The following DIPK1B variants were observed in gnomAD, a reference collection of about 807,000 sequenced individuals.
DIPK1B encodes the protein family with sequence similarity 69 member B.
Under a neutral mutation model 20.7 loss-of-function variants are expected in DIPK1B, and 17 were observed. The ratio of observed to expected loss-of-function variants is 0.82; its 90% CI spans 0.56 to 1.23. The LOEUF (loss-of-function observed/expected upper bound fraction) is 1.23. Ranked by LOEUF, DIPK1B falls within the 50% of genes most tolerant of loss-of-function variation. DIPK1B has a pLI of 0.00. For missense variants in DIPK1B, 648 were observed against 601.8 expected (o/e 1.08, Z -0.80); for synonymous variants, 343 against 276.5 (o/e 1.24, Z -2.39).
Position 136,723,644 on chromosome 9 carries a change from T to G in DIPK1B, c.1166T>G (p.Leu389Arg). Residue 389 changes from leucine to arginine, a missense_variant, in exon 5 of 5, where the codon CTG becomes CGG. Leu to Arg is a moderately radical substitution (Grantham distance 102). Transcript: ENST00000371692. Reference sequence around the variant, plus strand: ...GCGCCCGCCGACCTCCGCGAGGAGCTGGGCACACAGCTGCGCACCTGTACC... The same window carrying G: ...GCGCCCGCCGACCTCCGCGAGGAGCGGGGCACACAGCTGCGCACCTGTACC... ...PGAPADLREE[L>R]GTQLRTCTTL... 2 of 1,568,242 alleles carry G rather than the reference T, an allele frequency of 1.3e-6. No individual in the cohort carries two copies. Among genetic ancestry groups the G allele is most frequent in the Non-Finnish European group, 1.7e-6 (2 of 1,159,166 alleles).
Position 136,717,626 on chromosome 9 carries a change from G to A in DIPK1B, c.113G>A (p.Gly38Asp). 2 of 1,605,344 alleles carry A rather than the reference G, an allele frequency of 1.2e-6. No homozygotes were observed. The highest frequency in any genetic ancestry group is 1.7e-6 in the Non-Finnish European group (2 of 1,179,932). ...RVRCIFLAWL[G>D]VFAGSWLVYV... is the part of the protein sequence containing the mutation. Reference sequence around the variant, plus strand: ...CGCTGCATCTTCCTGGCCTGGCTGGGCGTCTTTGCAGGCAGCTGGCTGGTG... The same window carrying A: ...CGCTGCATCTTCCTGGCCTGGCTGGACGTCTTTGCAGGCAGCTGGCTGGTG... Residue 38 changes from glycine to aspartate, a missense_variant, in exon 2 of 5, where the codon GGC becomes GAC. Gly to Asp is a moderately conservative substitution (Grantham distance 94). Coordinates refer to ENST00000371692, the MANE Select transcript of DIPK1B (RefSeq NM_152421.4).
chr9:136,713,509 AAG>A (rs1846454680), intron 1 of DIPK1B, among the ~76,000 whole-genome samples: 1 of 152,190 alleles, frequency 6.6e-6, no homozygotes, highest in Non-Finnish European at 1.5e-5. Flanking sequence ...CCCTTCTGGG[AAG>A]AGCGTATGGA....
intron 2 of DIPK1B, among the ~76,000 whole-genome samples, chr9:136,718,837 G>A (rs1003364213): frequency 6.6e-6 from 1 of 152,194 alleles, no homozygotes; most frequent in African/African-American, 2.4e-5. Flanking sequence ...GTCTGACGGG[G>A]GCCACATGTG....
chr9:136,719,944 G>T (rs1283492846), intron 2 of DIPK1B, among the ~76,000 whole-genome samples: 1 of 149,032 alleles, frequency 6.7e-6, no homozygotes, highest in Non-Finnish European at 1.5e-5. Context: ...GGCTCCGGGT[G>T]CAGGGGGCTG....
intron 2 of DIPK1B, among the ~76,000 whole-genome samples, chr9:136,720,560 G>A (rs904437282): frequency 6.6e-6 from 1 of 152,178 alleles, no homozygotes; most frequent in Non-Finnish European, 1.5e-5. Context: ...CTGGAGCTAG[G>A]GTGGGGGCTG....
intron 1 of DIPK1B, among the ~76,000 whole-genome samples, chr9:136,713,949 T>A (rs984350794): frequency 1.3e-5 from 2 of 152,162 alleles, no homozygotes; most frequent in Non-Finnish European, 2.9e-5. Flanking sequence ...TGGGTGACCT[T>A]CCCTATCCTC....
In DIPK1B at chr9:136,723,090, C is replaced by T. The variant is rs941082974; in HGVS notation, c.612C>T (p.Asn204=). 9 of 1,613,494 alleles carry T rather than the reference C, an allele frequency of 5.6e-6. No individual in the cohort carries two copies. Among genetic ancestry groups the T allele is most frequent in the Admixed American group, 3.3e-5 (2 of 60,006 alleles). ...CCGTGTGGGCCCTGCTGCAGCGTAACGAGTTCCTGCTGCTGCTGTCCCTGC... is the reference window on the plus strand; with the variant it reads ...CCGTGTGGGCCCTGCTGCAGCGTAATGAGTTCCTGCTGCTGCTGTCCCTGC... The part of the protein sequence containing the change: ...AKSVWALLQR[N]EFLLLLSLQE... Residue 204 remains asparagine, a synonymous_variant, in exon 5 of 5, where the codon AAC becomes AAT. Transcript: ENST00000371692.
chr9:136,721,659 G>A (rs1846603212), intron 2 of DIPK1B: 1 of 484,750 alleles, frequency 2.1e-6, no homozygotes, highest in South Asian at 2.3e-5. Context: ...AGTGGCCTTT[G>A]CTGTGCCGTC....
chr9:136,720,622 C>T (rs920203437), intron 2 of DIPK1B, among the ~76,000 whole-genome samples: 1 of 152,232 alleles, frequency 6.6e-6, no homozygotes, highest in Non-Finnish European at 1.5e-5. Context: ...CTAACAAAGT[C>T]TCCCTGGGGG....
In DIPK1B at chr9:136,717,552, C is replaced by A. The variant is rs761725948; in HGVS notation, c.64-25C>A. The A allele has an allele frequency of 7.5e-6, 12 of 1,593,438 alleles. No homozygotes were observed. The Admixed American group carries it at 2.0e-4, about 27-fold the overall frequency. On this transcript the variant is annotated intron_variant, in intron 1 of 4. Transcript: ENST00000371692. The stretch of plus-strand genomic sequence containing the variant: ...GAGCCTGGGTGCCCCGAGGGCACCT[C>A]CTCACGCAGCCCCTTCCCCCACAGG...
At chr9:136,721,694 G>A (rs1386486672) in intron 2 of DIPK1B, 32 of 548,502 alleles carry the variant, frequency 5.8e-5, no homozygotes, top group South Asian at 2.9e-4. Context: ...AGGATGGTGG[G>A]GACGGGACCG....
intron 2 of DIPK1B, among the ~76,000 whole-genome samples, chr9:136,719,074 G>C (rs558410922): frequency 7.0e-6 from 1 of 143,704 alleles, no homozygotes; most frequent in Non-Finnish European, 1.5e-5. Flanking sequence ...GCTGTGCCCC[G>C]ATCAGATGCA....
intron 1 of DIPK1B, 139 bp from the exon 2 acceptor site, chr9:136,717,437 CG>C (rs1240092008): frequency 6.5e-6 from 6 of 928,508 alleles, no homozygotes; most frequent in Non-Finnish European, 8.0e-6. Flanking sequence ...TTCTAGAAGA[CG>C]GGGGTGCCAG....
In DIPK1B at chr9:136,723,216, C is replaced by T. The variant is rs767283356; in HGVS notation, c.738C>T (p.Pro246=). ...CCTGGCACGCGGCCGCCCTTCCACC[C>T]CTGTTGCGCCCACTGCTGCCGCCTG... The part of the protein sequence containing the change: ...HGAWHAAALP[P]LLRPLLPPAL... Residue 246 remains proline, a synonymous_variant, in exon 5 of 5, where the codon CCC becomes CCT. Transcript: ENST00000371692. The T allele has an allele frequency of 6.2e-7, 1 of 1,612,322 alleles. No homozygotes were observed. The highest frequency in any genetic ancestry group is 1.7e-5 in the Admixed American group (1 of 59,978).
intron 2 of DIPK1B, among the ~76,000 whole-genome samples, chr9:136,719,814 T>C (rs866440387): frequency 1.3e-5 from 2 of 152,182 alleles, no homozygotes; most frequent in African/African-American, 4.8e-5. Context: ...CACCACTGTG[T>C]GCCAGGAGCA....
At chr9:136,717,215 T>C (rs1163549597) in intron 1 of DIPK1B, among the ~76,000 whole-genome samples, 1 of 146,612 alleles carries the variant, frequency 6.8e-6, no homozygotes, top group Non-Finnish European at 1.5e-5. Flanking sequence ...GGCTACAGAG[T>C]AAGACTCCCT....
At chr9:136,719,923 G>C (rs1456279839) in intron 2 of DIPK1B, among the ~76,000 whole-genome samples, 3 of 37,612 alleles carry the variant, frequency 8.0e-5, no homozygotes, top group Non-Finnish European at 2.7e-4. Flanking sequence ...GCAGGGGGCT[G>C]TGTGGTCTGG....
chr9:136,715,922 T>G (rs1490908516), intron 1 of DIPK1B, among the ~76,000 whole-genome samples: 1 of 152,204 alleles, frequency 6.6e-6, no homozygotes, highest in Non-Finnish European at 1.5e-5. Flanking sequence ...GCTCTCCGCC[T>G]TCCCAAACTG....
In DIPK1B at chr9:136,722,982, T is replaced by G; in HGVS notation, c.504T>G (p.Pro168=). Residue 168 remains proline, a synonymous_variant, in exon 5 of 5, where the codon CCT becomes CCG. Transcript: ENST00000371692. ...SFLKANLGDL[P]SLPALVGQVL... ...GCCAGGCGAACCTGGGAGACCTGCC[T>G]TCCCTGCCGGCGCTGGTTGGCCAGG... 6.2e-7 allele frequency: 1 copy of G among 1,607,112 alleles called. No homozygotes were observed. Among genetic ancestry groups the G allele is most frequent in the South Asian group, 1.1e-5 (1 of 90,936 alleles).
Sources: allele counts gnomAD v4.1 joint callset (sites outside exome capture counted in the v4.1 genomes callset), GRCh38; gene constraint gnomAD v4.1.1; transcripts MANE v1.5; gene names NCBI Gene and HGNC (gene_info 2026-07-23, HGNC 2026-07-21).